EXOC4: variants seen among roughly 807,000 people sequenced by gnomAD.
EXOC4 encodes SEC8-like 1.
EXOC4 carries 71 observed loss-of-function variants against 107.2 expected under a neutral mutation model. The observed-to-expected ratio is 0.66, with a 90% CI of 0.55 to 0.81. EXOC4 has a LOEUF of 0.81. EXOC4 is among the 30% of genes least tolerant of loss of function. The pLI is 0.00. For missense variants in EXOC4, 1,108 were observed against 1,189.6 expected, an observed-to-expected ratio of 0.93 and a Z score of 1.01; for synonymous variants, 456 against 441.2, an observed-to-expected ratio of 1.03 and a Z score of -0.42.
chr7:133,604,706 CTTT>C (rs1801891064), intron 9 of EXOC4, among the ~76,000 whole-genome samples: 1 of 87,558 alleles, frequency 1.1e-5, no homozygotes, highest in Non-Finnish European at 2.3e-5. Context: ...TTCCTTCCTT[CTTT>C]CTTTTTTTTT....
At chr7:133,766,023 C>G (rs1027810527) in intron 10 of EXOC4, among the ~76,000 whole-genome samples, 2 of 151,944 alleles carry the variant, frequency 1.3e-5, no homozygotes, top group African/African-American at 4.8e-5. Context: ...TCAGATGGAG[C>G]TAAAGAATCA....
chr7:133,875,158 T>C (rs1027624974), intron 11 of EXOC4, among the ~76,000 whole-genome samples: 1 of 152,204 alleles, frequency 6.6e-6, no homozygotes, highest in African/African-American at 2.4e-5. Flanking sequence ...GTTATACTTG[T>C]TCCTTGAAAT....
chr7:133,363,467 A>G (rs537564884), intron 6 of EXOC4, among the ~76,000 whole-genome samples: 87 of 152,310 alleles, frequency 5.7e-4, no homozygotes, highest in South Asian at 1.5e-3. Context: ...GTTCTTTTGT[A>G]AACATGAGTT....
chr7:133,353,966 A>AT (rs1795968281), intron 5 of EXOC4, among the ~76,000 whole-genome samples: 1 of 150,784 alleles, frequency 6.6e-6, no homozygotes, highest in Non-Finnish European at 1.5e-5. Flanking sequence ...TATTCTTTTT[A>AT]TTTTTTTAGT....
At chr7:133,673,958 T>C (rs1339776572) in intron 10 of EXOC4, among the ~76,000 whole-genome samples, 3 of 152,172 alleles carry the variant, frequency 2.0e-5, no homozygotes, top group Non-Finnish European at 4.4e-5. Context: ...CAGCACTGTA[T>C]GAGGAAGAGC....
intron 10 of EXOC4, among the ~76,000 whole-genome samples, chr7:133,661,332 G>A (rs1487957776): frequency 6.6e-6 from 1 of 152,060 alleles, no homozygotes; most frequent in East Asian, 1.9e-4. Context: ...ACTGTGCGAG[G>A]TCATTGAGCA....
intron 10 of EXOC4, among the ~76,000 whole-genome samples, chr7:133,664,907 A>G (rs1254488270): frequency 6.6e-6 from 1 of 152,074 alleles, no homozygotes; most frequent in Non-Finnish European, 1.5e-5. Context: ...GGCCCAGGTC[A>G]TTTTCATGGT....
At chr7:133,490,600 T>C (rs1371375093) in intron 9 of EXOC4, among the ~76,000 whole-genome samples, 9 of 152,162 alleles carry the variant, frequency 5.9e-5, no homozygotes, top group African/African-American at 2.2e-4. Flanking sequence ...TTTCTACTAA[T>C]TAAGGAACTC....
At chr7:133,452,981 C>T (rs1798381210) in intron 7 of EXOC4, among the ~76,000 whole-genome samples, 1 of 140,004 alleles carries the variant, frequency 7.1e-6, no homozygotes, top group South Asian at 2.4e-4. Context: ...CTTTTGTCCT[C>T]CCTCTGCCAG....
At chr7:133,769,313 A>T (rs1168805005) in intron 10 of EXOC4, among the ~76,000 whole-genome samples, 2 of 151,868 alleles carry the variant, frequency 1.3e-5, no homozygotes, top group Non-Finnish European at 2.9e-5. Flanking sequence ...CTGGGCTTTC[A>T]TTGCCAAAGA....
chr7:133,875,232 CTGTT>C (rs1277326146), intron 11 of EXOC4, among the ~76,000 whole-genome samples: 5 of 152,140 alleles, frequency 3.3e-5, no homozygotes, highest in Admixed American at 1.3e-4. Flanking sequence ...TTCTCACAGT[CTGTT>C]TGGGTATTGA....
At chr7:133,618,249 A>ATG (rs1319639874) in intron 9 of EXOC4, among the ~76,000 whole-genome samples, 1 of 150,890 alleles carries the variant, frequency 6.6e-6, no homozygotes, top group African/African-American at 2.4e-5. Flanking sequence ...GTGTGTGTAC[A>ATG]TCTGTATTTA....
chr7:133,853,404 T>C (rs1798282661), intron 11 of EXOC4, among the ~76,000 whole-genome samples: 1 of 139,098 alleles, frequency 7.2e-6, no homozygotes, highest in Non-Finnish European at 1.5e-5. Flanking sequence ...ACACAACTTT[T>C]TAGAGTCATG....
chr7:133,971,427 T>A (rs910382443), intron 14 of EXOC4, among the ~76,000 whole-genome samples: 3 of 147,156 alleles, frequency 2.0e-5, no homozygotes, highest in Non-Finnish European at 3.0e-5. Context: ...ATGTATTCTA[T>A]GTAAGAATAT....
At position 133,935,188 on chromosome 7, in the gene EXOC4, T is replaced by C. The variant is rs563791438; in HGVS notation, c.2028-2703T>C. Reference sequence around the variant, plus strand: ...GGCTTCCATACTCAAGGTCACCCGATGTTTGAGAAGAGCTACTGCAGCCCC... The same window carrying C: ...GGCTTCCATACTCAAGGTCACCCGACGTTTGAGAAGAGCTACTGCAGCCCC... On this transcript the variant is annotated intron_variant, in intron 13 of 17. Coordinates refer to ENST00000253861, the MANE Select transcript of EXOC4 (RefSeq NM_021807.4). Among the ~76,000 whole-genome samples, 66 of 152,112 alleles carry C rather than the reference T, an allele frequency of 4.3e-4. 1 individual carries two copies. In the East Asian group the frequency reaches 0.012, roughly 28 times the overall value.
the EXOC4 span, among the ~76,000 whole-genome samples, chr7:134,075,778 C>G: frequency 0.024 from 3,687 of 152,198 alleles, 132 homozygotes; most frequent in African/African-American, 0.078. Flanking sequence ...ACTTCCCAAC[C>G]AAAGCCATTT....
At chr7:133,464,798 G>GT (rs377053128) in intron 7 of EXOC4, among the ~76,000 whole-genome samples, 10,896 of 32,150 alleles carry the variant, frequency 0.34, 1,170 homozygotes, top group East Asian at 0.4. Flanking sequence ...TTTTTTTTTT[G>GT]TTGGTTGGGT....
intron 10 of EXOC4, among the ~76,000 whole-genome samples, chr7:133,682,835 C>G (rs755777657): frequency 2.6e-5 from 4 of 152,224 alleles, no homozygotes; most frequent in Admixed American, 6.5e-5. Context: ...CGCACCTGCT[C>G]GGTCCCAGAG....
intron 10 of EXOC4, among the ~76,000 whole-genome samples, chr7:133,735,687 A>C (rs1795429974): frequency 6.6e-6 from 1 of 152,002 alleles, no homozygotes. Context: ...TGCTATATCA[A>C]GCGAAGCTCC....
Sources: gnomAD v4.1 joint callset for allele counts (sites outside exome capture counted in the v4.1 genomes callset) on GRCh38, gnomAD v4.1.1 for gene constraint, MANE v1.5 for transcripts, NCBI Gene and HGNC (gene_info 2026-07-23, HGNC 2026-07-21) for gene names.